Variants in MIER1 observed in about 807,000 individuals in gnomAD.
MIER1 encodes mesoderm induction early response protein 1.
MIER1 carries 40 observed loss-of-function variants against 75.7 expected under a neutral mutation model. That is an observed-to-expected ratio of 0.53 (90% CI 0.41 to 0.69). The LOEUF (loss-of-function observed/expected upper bound fraction) is 0.69. Among genes scored for constraint, MIER1 ranks in the 30% least tolerant of loss-of-function variants. The pLI is 0.00. For synonymous variants in MIER1, 213 were observed against 223.4 expected (o/e 0.95, Z 0.42); for missense variants, 574 against 680.2 (o/e 0.84, Z 1.74).
At chr1:66,930,753 G>C (rs1427772779) in intron 2 of MIER1, among the ~76,000 whole-genome samples, 1 of 152,100 alleles carries the variant, frequency 6.6e-6, no homozygotes, top group Non-Finnish European at 1.5e-5. Context: ...GCTTCCTCTT[G>C]CGAAGTTTTT....
At chr1:66,929,178 T>C (rs1486902845) in intron 2 of MIER1, 2 of 610,648 alleles carry the variant, frequency 3.3e-6, no homozygotes, top group Non-Finnish European at 2.9e-6. Flanking sequence ...AGAAAAATTG[T>C]ATATGTACAC....
intron 7 of MIER1, among the ~76,000 whole-genome samples, chr1:66,961,122 T>C (rs992026802): frequency 6.6e-6 from 1 of 152,138 alleles, no homozygotes; most frequent in Non-Finnish European, 1.5e-5. Flanking sequence ...AGAAAAAAAT[T>C]ATGTAATAAA....
chr1:66,965,774 C>G (rs1010206622), intron 8 of MIER1, among the ~76,000 whole-genome samples: 1 of 152,090 alleles, frequency 6.6e-6, no homozygotes, highest in African/African-American at 2.4e-5. Flanking sequence ...TTTTTTTGTA[C>G]CCATTAACCA....
chr1:66,975,019 G>A (rs11803444), intron 11 of MIER1, among the ~76,000 whole-genome samples: 11,286 of 152,054 alleles, frequency 0.074, 519 homozygotes, highest in African/African-American at 0.13. Flanking sequence ...TTTTTTTAAA[G>A]TCCTGATTGC....
chr1:66,946,569 C>T, intron 4 of MIER1: 1 of 1,096,310 alleles, frequency 9.1e-7, no homozygotes, highest in South Asian at 3.7e-5. Flanking sequence ...CAAAAATGGA[C>T]TATAAAAGGA....
chr1:66,956,509 G>C (rs370616697), intron 4 of MIER1, among the ~76,000 whole-genome samples: 3 of 152,144 alleles, frequency 2.0e-5, no homozygotes, highest in East Asian at 3.8e-4. Context: ...TGACTCTCCA[G>C]ATTCCCAAAT....
At chr1:66,945,381 A>G (rs2101467781) in intron 3 of MIER1, among the ~76,000 whole-genome samples, 1 of 148,880 alleles carries the variant, frequency 6.7e-6, no homozygotes, top group African/African-American at 2.5e-5. Context: ...GAATAATGAC[A>G]AGGAAAAACG....
chr1:66,971,044 C>A, intron 9 of MIER1, 85 bp downstream of exon 9: 1 of 1,296,822 alleles, frequency 7.7e-7, no homozygotes, highest in Non-Finnish European at 1.0e-6. Context: ...TTATTCTGTC[C>A]ACCAAACTTT....
intron 8 of MIER1, among the ~76,000 whole-genome samples, chr1:66,963,912 A>G (rs1214547184): frequency 6.6e-6 from 1 of 152,094 alleles, no homozygotes; most frequent in Non-Finnish European, 1.5e-5. Context: ...CGTCTGAGGA[A>G]AAAAATAAAG....
intron 8 of MIER1, among the ~76,000 whole-genome samples, chr1:66,967,065 A>G (rs1662569505): frequency 6.6e-6 from 1 of 152,096 alleles, no homozygotes; most frequent in Non-Finnish European, 1.5e-5. Flanking sequence ...GTGGGGTATT[A>G]TTCAGGAAGT....
chr1:66,950,965 C>T (rs1167044446), intron 4 of MIER1, among the ~76,000 whole-genome samples: 1 of 152,128 alleles, frequency 6.6e-6, no homozygotes, highest in Non-Finnish European at 1.5e-5. Context: ...TGTAAGAGTA[C>T]TATCTACATC....
chr1:66,976,759 T>C, intron 12 of MIER1, 37 bp downstream of exon 12: 1 of 1,482,482 alleles, frequency 6.7e-7, no homozygotes. Flanking sequence ...ATATATACAT[T>C]TTTGCTAAGC....
At chr1:66,928,986 C>G in intron 2 of MIER1, 1 of 1,441,906 alleles carries the variant, frequency 6.9e-7, no homozygotes. Context: ...CACTTAGCAG[C>G]TACTTCATAT....
At chr1:66,957,850 T>C (rs576122173) in intron 4 of MIER1, among the ~76,000 whole-genome samples, 35 of 152,342 alleles carry the variant, frequency 2.3e-4, no homozygotes, top group South Asian at 8.3e-4. Flanking sequence ...TCAGCAATTA[T>C]AACTGGTTCA....
chr1:66,973,592 T>A (rs1242731353), intron 11 of MIER1, among the ~76,000 whole-genome samples: 2 of 152,082 alleles, frequency 1.3e-5, no homozygotes, highest in Non-Finnish European at 2.9e-5. Context: ...CAAATAGCTT[T>A]ATAATTACTT....
At chr1:66,939,417 A>G (rs1038331863) in intron 2 of MIER1, among the ~76,000 whole-genome samples, 1 of 152,194 alleles carries the variant, frequency 6.6e-6, no homozygotes, top group African/African-American at 2.4e-5. Context: ...GCAGTCTTGC[A>G]TCAGATAACC....
chr1:66,946,997 C>G (rs1273331679), intron 4 of MIER1: 3 of 985,126 alleles, frequency 3.0e-6, no homozygotes, highest in East Asian at 2.3e-4. Context: ...TTCTTTTTTT[C>G]TCTCCTGTCT....
rs559328773 is a variant in MIER1 at position 66,945,176 on chromosome 1, C to T, written c.194-974C>T. 3.3e-5 allele frequency among the ~76,000 whole-genome samples: 5 copies of T among 151,710 alleles called. No homozygotes were observed. The East Asian group carries it at 5.8e-4, about 18-fold the overall frequency. On this transcript the variant is annotated intron_variant, in intron 3 of 13. Transcript: ENST00000401041. ...GTAAACCTCCCTCGGATACCAAAAT[C>T]GTGGATGCTCAAATCCCTGACACAA...
intron 4 of MIER1, among the ~76,000 whole-genome samples, chr1:66,957,438 A>G (rs964562070): frequency 2.0e-5 from 3 of 152,196 alleles, no homozygotes; most frequent in African/African-American, 7.2e-5. Context: ...TTTCGCATCT[A>G]TGAAATGGAA....
Sources: gnomAD v4.1 joint callset for allele counts (sites outside exome capture counted in the v4.1 genomes callset) on GRCh38, gnomAD v4.1.1 for gene constraint, MANE v1.5 for transcripts, NCBI Gene and HGNC (gene_info 2026-07-23, HGNC 2026-07-21) for gene names.